Variants in PPFIA2 observed in about 807,000 individuals in gnomAD.
PPFIA2 encodes the protein liprin-alpha-2.
Under a neutral mutation model 175.5 loss-of-function variants are expected in PPFIA2, and 46 were observed. The ratio of observed to expected loss-of-function variants is 0.26; its 90% CI spans 0.21 to 0.34. PPFIA2 has a LOEUF of 0.34. Among genes scored for constraint, PPFIA2 ranks in the 10% least tolerant of loss-of-function variants. The pLI is 1.00. For synonymous variants in PPFIA2, 568 were observed against 511.4 expected, an observed-to-expected ratio of 1.11 and a Z score of -1.49; for missense variants, 1,179 against 1,506.1, an observed-to-expected ratio of 0.78 and a Z score of 3.60.
intron 22 of PPFIA2, among the ~76,000 whole-genome samples, chr12:81,300,666 G>A (rs1464074505): frequency 2.0e-5 from 3 of 152,126 alleles, no homozygotes; most frequent in Non-Finnish European, 4.4e-5. Flanking sequence ...AGGGAACAGC[G>A]ATACTCGTGC....
At chr12:81,345,274 T>C (rs1227048813) in intron 18 of PPFIA2, among the ~76,000 whole-genome samples, 6 of 152,122 alleles carry the variant, frequency 3.9e-5, no homozygotes, top group Non-Finnish European at 8.8e-5. Flanking sequence ...ATACAATTGA[T>C]GACAGAATTA....
At chr12:81,533,265 C>A (rs2064855116) in intron 4 of PPFIA2, among the ~76,000 whole-genome samples, 1 of 151,674 alleles carries the variant, frequency 6.6e-6, no homozygotes, top group African/African-American at 2.4e-5. Flanking sequence ...AGGATGACAT[C>A]ACAATATTTT....
intron 4 of PPFIA2, among the ~76,000 whole-genome samples, chr12:81,642,648 AT>A (rs1190170737): frequency 1.5e-5 from 1 of 68,560 alleles, no homozygotes; most frequent in Non-Finnish European, 3.1e-5. Context: ...ATATACATAC[AT>A]GTATGTATCT....
rs773651267 is a variant in PPFIA2 at position 81,462,164 on chromosome 12, C to A, written c.304-4298G>T. Among the ~76,000 whole-genome samples, 8 of 148,196 alleles carry A rather than the reference C, an allele frequency of 5.4e-5. No individual in the cohort carries two copies. In the South Asian group the frequency reaches 1.3e-3, roughly 23 times the overall value. Reference sequence around the variant, plus strand: ...CTTAACATATAACAGATATAATATTCTTTTTTACTTTGTAGCTGTTGTTTT... The same window carrying A: ...CTTAACATATAACAGATATAATATTATTTTTTACTTTGTAGCTGTTGTTTT... On this transcript the variant is annotated intron_variant, in intron 4 of 32. Transcript: ENST00000549396.
At position 81,258,240 on chromosome 12, in the gene PPFIA2, T is replaced by C. The variant is rs1192495303; in HGVS notation, c.*1454A>G. ...AGTAAATTGTCGAGCCTTATGTGAC[T>C]AGAAAACAAAGCTTAAACAGAGAAC... On this transcript the variant is annotated 3_prime_UTR_variant, in exon 33 of 33. Coordinates refer to ENST00000549396, the MANE Select transcript of PPFIA2 (RefSeq NM_003625.5). 1.3e-5 allele frequency: 2 copies of C among 152,152 alleles called. No homozygotes were observed. Among genetic ancestry groups the C allele is most frequent in the Non-Finnish European group, 2.9e-5 (2 of 68,008 alleles). 9.4% of individuals were successfully genotyped at this position (152,152 alleles called of 1,614,324 possible).
At chr12:81,334,489 C>CAAA (rs34576372) in intron 21 of PPFIA2, among the ~76,000 whole-genome samples, 1 of 145,848 alleles carries the variant, frequency 6.9e-6, no homozygotes, top group Non-Finnish European at 1.5e-5. Context: ...CTCCCTCCAC[C>CAAA]AAAAAAAAAA....
intron 4 of PPFIA2, among the ~76,000 whole-genome samples, chr12:81,627,283 T>A (rs1490665743): frequency 6.6e-6 from 1 of 151,966 alleles, no homozygotes; most frequent in African/African-American, 2.4e-5. Flanking sequence ...ACTAGAGGAG[T>A]GGGCCTAAAA....
chr12:81,362,626 A>G, intron 15 of PPFIA2, 67 bp downstream of exon 15: 1 of 1,102,160 alleles, frequency 9.1e-7, no homozygotes, highest in Non-Finnish European at 1.3e-6. Flanking sequence ...TTGAGGACAT[A>G]TGAAACCATA....
intron 4 of PPFIA2, among the ~76,000 whole-genome samples, chr12:81,535,886 A>C (rs2065297672): frequency 6.6e-6 from 1 of 151,818 alleles, no homozygotes; most frequent in African/African-American, 2.4e-5. Context: ...TGGTAACTGT[A>C]TATATCTACC....
At chr12:81,380,961 G>GAT (rs2037513588) in intron 9 of PPFIA2, among the ~76,000 whole-genome samples, 1 of 114,696 alleles carries the variant, frequency 8.7e-6, no homozygotes, top group Admixed American at 9.6e-5. Flanking sequence ...CTTTCACAGT[G>GAT]CTGTGTGTGT....
chr12:81,512,319 A>T, intron 4 of PPFIA2: 1 of 1,288,600 alleles, frequency 7.8e-7, no homozygotes, highest in Non-Finnish European at 1.0e-6. Flanking sequence ...CTCCCTTCCC[A>T]TCTCCCACTG....
chr12:81,665,822 C>A (rs539078704), intron 4 of PPFIA2, among the ~76,000 whole-genome samples: 2 of 151,968 alleles, frequency 1.3e-5, no homozygotes, highest in East Asian at 3.9e-4. Flanking sequence ...TCAGAGTGAA[C>A]AGGCAACCTA....
rs1239821148 is a variant in PPFIA2, at chr12:81,353,433, T to TA, written c.1774-95dup. The stretch of plus-strand genomic sequence containing the variant: ...ACAGCAACAACAACAGGCATGCTTT[T>TA]ACAACTGACCTTGCAAAAACTGAAC... On this transcript the variant is annotated intron_variant, in intron 16 of 32. Transcript: ENST00000549396. The TA allele has an allele frequency of 4.6e-6, 4 of 865,022 alleles. No individual in the cohort carries two copies. In the African/African-American group the frequency reaches 5.0e-5, roughly 11 times the overall value. 53.6% of individuals were successfully genotyped at this position (865,022 alleles called of 1,614,324 possible). A position where few individuals can be genotyped will look rare whatever the true frequency, so the allele number is the denominator to read the frequency against.
chr12:81,598,303 A>G, intron 4 of PPFIA2: 1 of 1,198,076 alleles, frequency 8.3e-7, no homozygotes, highest in South Asian at 2.3e-5. Flanking sequence ...GAAGGAAAAA[A>G]GCAAGAACCA....
At chr12:81,630,899 A>ATATATATATATATATATATATATTT (rs1411924550) in intron 4 of PPFIA2, among the ~76,000 whole-genome samples, 3 of 106,444 alleles carry the variant, frequency 2.8e-5, no homozygotes, top group African/African-American at 8.7e-5. Flanking sequence ...ATATATATAT[A>ATATATATATATATATATATATATTT]TTTTTTTTTT....
chr12:81,362,471 A>G lies in PPFIA2; in HGVS notation c.1637+222T>C, dbSNP rs573873950. On this transcript the variant is annotated intron_variant, in intron 15 of 32. Transcript: ENST00000549396. ...TATATAATGAAATGCAGAATACAAA[A>G]GTTAACATTTTAATTTTTTATTGAT... Among the ~76,000 whole-genome samples, 9 of 151,558 alleles carry G rather than the reference A, an allele frequency of 5.9e-5. No individual in the cohort carries two copies. The East Asian group carries it at 1.7e-3, about 29-fold the overall frequency.
At chr12:81,431,403 G>T (rs2048069227) in intron 7 of PPFIA2, 1 of 151,850 alleles carries the variant, frequency 6.6e-6, no homozygotes, top group Non-Finnish European at 1.5e-5. Flanking sequence ...TGTATTTTCT[G>T]TGTCTAAATT....
chr12:81,567,445 T>C (rs2071575690), intron 4 of PPFIA2, among the ~76,000 whole-genome samples: 1 of 152,174 alleles, frequency 6.6e-6, no homozygotes, highest in Admixed American at 6.6e-5. Context: ...GGCCTTTAGA[T>C]AGTTTTAGAA....
intron 4 of PPFIA2, among the ~76,000 whole-genome samples, chr12:81,602,801 G>A (rs898848910): frequency 6.6e-6 from 1 of 151,690 alleles, no homozygotes; most frequent in Non-Finnish European, 1.5e-5. Flanking sequence ...CCTTAATTGC[G>A]GCACTGTTCT....
Sources: gnomAD v4.1 joint callset for allele counts (sites outside exome capture counted in the v4.1 genomes callset) on GRCh38, gnomAD v4.1.1 for gene constraint, MANE v1.5 for transcripts, NCBI Gene and HGNC (gene_info 2026-07-23, HGNC 2026-07-21) for gene names.